ABCC12: variants seen among roughly 807,000 people sequenced by gnomAD.
The protein encoded by ABCC12 is ATP binding cassette subfamily C member 12.
A neutral mutation model predicts 151.1 loss-of-function variants in ABCC12; 142 were observed. The ratio of observed to expected loss-of-function variants is 0.94; its 90% CI spans 0.82 to 1.08. ABCC12 has a LOEUF of 1.08. Ranked by LOEUF, ABCC12 falls within the 50% of genes least tolerant of loss-of-function variation. The pLI, the probability that ABCC12 is intolerant of heterozygous loss-of-function variation, is 0.00. For missense variants in ABCC12, 1,638 were observed against 1,691.1 expected (o/e 0.97, Z 0.55); for synonymous variants, 645 against 646.4 (o/e 1.00, Z 0.03).
Position 48,105,284 on chromosome 16 carries a change from A to G in ABCC12, c.2528T>C (p.Leu843Pro), listed in dbSNP as rs748254198. The change falls in exon 21 of 31, where the codon CTG (leucine) becomes CCG (proline). Residue 843 changes from leucine (L) to proline (P), a missense_variant. By Grantham distance (98) the Leu-to-Pro change is moderately conservative (BLOSUM62 -3). Transcript: ENST00000311303. The part of the protein sequence containing the change: ...NRTMCEVGAV[L>P]ADIGQHVYQW... ...GTACACATGCTGACCGATGTCTGCC[A>G]GCACCGCGCCGACCTCACACATGGT... The G allele has an allele frequency of 6.2e-7, 1 of 1,613,854 alleles. No homozygotes were observed. The highest frequency in any genetic ancestry group is 2.2e-5 in the East Asian group (1 of 44,890).
Position 48,140,696 on chromosome 16 carries a change from A to G in ABCC12, c.648T>C (p.Ser216=), listed in dbSNP as rs750929581. The G allele has an allele frequency of 6.2e-7, 1 of 1,613,820 alleles. No individual in the cohort carries two copies. The highest frequency in any genetic ancestry group is 1.3e-5 in the African/African-American group (1 of 74,934). The stretch of plus-strand genomic sequence containing the variant: ...CTCTGAGCCAGCTTACCTCGCCAAC[A>G]GAGATGTGGGTCAATGTCTTGAAGG... ...LVSFKTLTHI[S]VGEVLNILSS... is the part of the protein sequence containing the mutation. The change falls in exon 6 of 31, where the codon TCT becomes TCC. Residue 216 remains serine (S), a synonymous_variant. Transcript: ENST00000311303.
At chr16:48,147,137 G>A (rs1265198504) in intron 2 of ABCC12, among the ~76,000 whole-genome samples, 2 of 152,072 alleles carry the variant, frequency 1.3e-5, no homozygotes, top group African/African-American at 2.4e-5. Context: ...ACACTTCTGT[G>A]ACTGCTGCCC....
intron 21 of ABCC12, 44 bp downstream of exon 21, chr16:48,105,094 TG>T: frequency 6.2e-7 from 1 of 1,609,984 alleles, no homozygotes; most frequent in Non-Finnish European, 8.5e-7. Flanking sequence ...CCGTATACCT[TG>T]TTGACTGAAT....
At chr16:48,139,577 G>A (rs1403513580) in intron 6 of ABCC12, among the ~76,000 whole-genome samples, 1 of 152,130 alleles carries the variant, frequency 6.6e-6, no homozygotes, top group Non-Finnish European at 1.5e-5. Context: ...GTTACCATCT[G>A]GGAGCATGCT....
intron 13 of ABCC12, chr16:48,121,256 T>A (rs979341164): frequency 6.6e-6 from 1 of 152,458 alleles, no homozygotes; most frequent in African/African-American, 2.4e-5. Flanking sequence ...AGCTTTGTTT[T>A]TATTTAGTTA....
At chr16:48,095,104 C>T (rs1963047234) in intron 24 of ABCC12, among the ~76,000 whole-genome samples, 1 of 152,230 alleles carries the variant, frequency 6.6e-6, no homozygotes, top group South Asian at 2.1e-4. Flanking sequence ...CCACACAAAT[C>T]ATCTTGAATT....
intron 14 of ABCC12, 108 bp downstream of exon 14, chr16:48,117,153 C>T: frequency 9.4e-7 from 1 of 1,059,136 alleles, no homozygotes; most frequent in Middle Eastern, 2.1e-4. Flanking sequence ...CCCACACGTC[C>T]TTGGGGCATC....
intron 13 of ABCC12, among the ~76,000 whole-genome samples, chr16:48,119,136 C>T (rs1391341026): frequency 6.6e-6 from 1 of 152,190 alleles, no homozygotes; most frequent in African/African-American, 2.4e-5. Context: ...AAAATCTCTG[C>T]TAAATATGCC....
chr16:48,083,596 G>T lies in ABCC12; in HGVS notation c.*119C>A. 1 of 1,021,574 alleles carries T rather than the reference G, an allele frequency of 9.8e-7. No individual in the cohort carries two copies. Among genetic ancestry groups the T allele is most frequent in the Non-Finnish European group, 1.5e-6 (1 of 685,128 alleles). The allele number at this position is 1,021,574 out of a possible 1,614,324, so 63.3% of individuals were successfully genotyped here. A position where few individuals can be genotyped will look rare whatever the true frequency, so the allele number is the denominator to read the frequency against. ...GACAACTTCAGCCCCAGCTCACTCC[G>T]TGGATGGGAGGGGCTGAAGACCAGG... On this transcript the variant is annotated 3_prime_UTR_variant, in exon 31 of 31. Transcript: ENST00000311303.
Position 48,088,105 on chromosome 16 carries a change from G to A in ABCC12, c.3476-20C>T. On this transcript the variant is annotated intron_variant, in intron 26 of 30. Transcript: ENST00000311303. The stretch of plus-strand genomic sequence containing the variant: ...ACTTTCCTGGGAACCATAAAAGTAA[G>A]AACAACAAATCAAACATCAGTTTGT... 1.2e-6 allele frequency: 2 copies of A among 1,610,038 alleles called. No homozygotes were observed. Among genetic ancestry groups the A allele is most frequent in the Non-Finnish European group, 1.7e-6 (2 of 1,177,556 alleles).
intron 24 of ABCC12, among the ~76,000 whole-genome samples, chr16:48,093,479 T>C (rs2150590090): frequency 6.6e-6 from 1 of 152,300 alleles, no homozygotes; most frequent in African/African-American, 2.4e-5. Flanking sequence ...TTGTATGAAA[T>C]GCTGCTTCCC....
In ABCC12 at chr16:48,088,611, G is replaced by A. The variant is rs1397276268; in HGVS notation, c.3409C>T (p.Leu1137Phe). 6.2e-7 allele frequency: 1 copy of A among 1,614,104 alleles called. No individual in the cohort carries two copies. Among genetic ancestry groups the A allele is most frequent in the Non-Finnish European group, 8.5e-7 (1 of 1,180,042 alleles). Residue 1137 changes from leucine (L) to phenylalanine (F), a missense_variant, in exon 26 of 31, where the codon CTC becomes TTC. Leu to Phe is a conservative substitution (Grantham distance 22, BLOSUM62 0). Transcript: ENST00000311303. ...MRYRDNTPLVLDSLNLNIQSG... is the reference protein window; with the variant it reads ...MRYRDNTPLVFDSLNLNIQSG... ...TGTATGTTCAAGTTCAGGCTGTCGA[G>A]AACAAGGGGGGTGTTGTCTCTGTAT...
intron 25 of ABCC12, among the ~76,000 whole-genome samples, chr16:48,088,994 G>A (rs1010703922): frequency 6.6e-6 from 1 of 152,192 alleles, no homozygotes; most frequent in Non-Finnish European, 1.5e-5. Context: ...GGAAAGGGGG[G>A]TAGGAGAGTA....
At position 48,080,986 on chromosome 16, in the gene ABCC12, A is replaced by C. The variant is rs532900023; in HGVS notation, c.*2729T>G. The stretch of plus-strand genomic sequence containing the variant: ...TGTTGAGTGAGGGCCCATTCCTCAC[A>C]GATGATGCCTTCTATGTGTCCTCAC... On this transcript the variant is annotated 3_prime_UTR_variant, in exon 31 of 31. Transcript: ENST00000311303. Among the ~76,000 whole-genome samples the C allele has an allele frequency of 4.7e-4, 72 of 152,334 alleles. No homozygotes were observed. The highest frequency in any genetic ancestry group is 3.4e-3 in the Middle Eastern group (1 of 294).
chr16:48,105,252 C>G lies in ABCC12; in HGVS notation c.2560G>C (p.Val854Leu). The G allele has an allele frequency of 6.2e-7, 1 of 1,614,116 alleles. No individual in the cohort carries two copies. The highest frequency in any genetic ancestry group is 8.5e-7 in the Non-Finnish European group (1 of 1,180,030). ...ATGAACACCATGCTTGCAGTGTACACCCACTGGTACACATGCTGACCGATG... is the reference window on the plus strand; with the variant it reads ...ATGAACACCATGCTTGCAGTGTACAGCCACTGGTACACATGCTGACCGATG... ...ADIGQHVYQW[V>L]YTASMVFMLV... is the part of the protein sequence containing the mutation. The change falls in exon 21 of 31, where the codon GTG (valine) becomes CTG (leucine). Residue 854 changes from valine to leucine, a missense_variant. Transcript: ENST00000311303.
chr16:48,104,439 G>T, intron 21 of ABCC12, 71 bp from the exon 22 acceptor site: 1 of 1,417,418 alleles, frequency 7.1e-7, no homozygotes, highest in Non-Finnish European at 9.9e-7. Context: ...TCTGCTGGAG[G>T]TGAAATTGTG....
chr16:48,125,624 G>A (rs891788194), intron 11 of ABCC12, among the ~76,000 whole-genome samples: 1 of 152,202 alleles, frequency 6.6e-6, no homozygotes, highest in Non-Finnish European at 1.5e-5. Flanking sequence ...TGTTCAAGCA[G>A]ATATTGCAAT....
In ABCC12 at chr16:48,088,569, C is replaced by G. The variant is rs774085761; in HGVS notation, c.3451G>C (p.Gly1151Arg). The stretch of plus-strand genomic sequence containing the variant: ...CCGGAACCTGTTCTTCCAACAATCC[C>G]GACTGTCTGCCCACTTTGTATGTTC... Reference protein sequence around the residue: ...NLNIQSGQTVGIVGRTGSGKS... With the variant: ...NLNIQSGQTVRIVGRTGSGKS... The change falls in exon 26 of 31, where the codon GGG becomes CGG. Residue 1151 changes from glycine (G) to arginine (R), a missense_variant. By Grantham distance (125) the Gly-to-Arg change is moderately radical. Coordinates refer to ENST00000311303, the MANE Select transcript of ABCC12 (RefSeq NM_001393797.1). 1.2e-6 allele frequency: 2 copies of G among 1,614,024 alleles called. No homozygotes were observed. The highest frequency in any genetic ancestry group is 8.5e-7 in the Non-Finnish European group (1 of 1,179,972).
Position 48,096,770 on chromosome 16 carries a change from G to T in ABCC12, c.3171C>A (p.Gly1057=). 6.2e-7 allele frequency: 1 copy of T among 1,613,994 alleles called. No homozygotes were observed. The highest frequency in any genetic ancestry group is 2.2e-5 in the East Asian group (1 of 44,884). ...SFSSISTSSK[G]LSLSYIIQLS... ...CCTGGATGATGTATGACAATGACAG[G>T]CCTTTGGATGAAGTACTGATGGAGG... Residue 1057 remains glycine (G), a synonymous_variant, in exon 24 of 31, where the codon GGC becomes GGA. Transcript: ENST00000311303.
Sources: allele counts gnomAD v4.1 joint callset (sites outside exome capture counted in the v4.1 genomes callset), GRCh38; gene constraint gnomAD v4.1.1; transcripts MANE v1.5; gene names NCBI Gene and HGNC (gene_info 2026-07-23, HGNC 2026-07-21).